Variants in CCDC141 observed in about 807,000 individuals in gnomAD.
CCDC141 encodes coiled-coil domain containing 141.
Under a neutral mutation model 181.0 loss-of-function variants are expected in CCDC141, and 168 were observed. The observed-to-expected ratio is 0.93, with a 90% CI of 0.82 to 1.05. CCDC141 has a LOEUF of 1.05. CCDC141 is among the 50% of genes least tolerant of loss of function. CCDC141 has a pLI of 0.00. For missense variants in CCDC141, 1,902 were observed against 1,788.5 expected (o/e 1.06, Z -1.14); for synonymous variants, 666 against 642.3 (o/e 1.04, Z -0.56).
At chr2:178,889,628 G>A (rs1178871761) in intron 8 of CCDC141, among the ~76,000 whole-genome samples, 1 of 152,112 alleles carries the variant, frequency 6.6e-6, no homozygotes, top group Non-Finnish European at 1.5e-5. Context: ...GTAATGAAAT[G>A]AGGGCAAGAT....
chr2:178,855,378 A>G lies in CCDC141; in HGVS notation c.3029T>C (p.Leu1010Pro). ...VVTDYKKNLD[L>P]TEHFQEVIEE... ...TATCACCTCCTGGAAATGCTCAGTCAGGTCCAAATTCTTCTTGTAATCTGT... is the reference window on the plus strand; with the variant it reads ...TATCACCTCCTGGAAATGCTCAGTCGGGTCCAAATTCTTCTTGTAATCTGT... Residue 1010 changes from leucine (L) to proline (P), a missense_variant, in exon 19 of 24, where the codon CTG becomes CCG. Transcript: ENST00000443758. 1 of 1,611,838 alleles carries G rather than the reference A, an allele frequency of 6.2e-7. No homozygotes were observed. Among genetic ancestry groups the G allele is most frequent in the Non-Finnish European group, 8.5e-7 (1 of 1,179,304 alleles).
chr2:179,047,483 A>G, intron 1 of CCDC141, 77 bp from the exon 2 acceptor site: 2 of 1,249,162 alleles, frequency 1.6e-6, no homozygotes, highest in Non-Finnish European at 2.1e-6. Context: ...TTTTTAATAT[A>G]TCGTTTAAAT....
intron 7 of CCDC141, among the ~76,000 whole-genome samples, chr2:178,906,440 T>C (rs1271534944): frequency 2.0e-5 from 3 of 152,206 alleles, no homozygotes; most frequent in African/African-American, 7.2e-5. Context: ...CTAATGTCTC[T>C]AGGAATAATT....
At chr2:178,983,624 G>A (rs2154381417) in intron 2 of CCDC141, among the ~76,000 whole-genome samples, 1 of 147,142 alleles carries the variant, frequency 6.8e-6, no homozygotes, top group African/African-American at 2.5e-5. Context: ...GCTTAAAGGA[G>A]CTGATGGAGC....
chr2:178,999,346 C>A (rs957854882), intron 2 of CCDC141, among the ~76,000 whole-genome samples: 1 of 152,074 alleles, frequency 6.6e-6, no homozygotes, highest in Non-Finnish European at 1.5e-5. Context: ...ATCATTTGAA[C>A]CCTTTCCTTT....
intron 6 of CCDC141, among the ~76,000 whole-genome samples, chr2:178,927,585 G>A (rs1688956025): frequency 6.6e-6 from 1 of 152,102 alleles, no homozygotes; most frequent in Non-Finnish European, 1.5e-5. Context: ...ATAGAGCAAT[G>A]GAGCTAATGG....
intron 7 of CCDC141, among the ~76,000 whole-genome samples, chr2:178,910,852 T>C (rs1688189183): frequency 6.6e-6 from 1 of 152,186 alleles, no homozygotes. Flanking sequence ...GAAGCTTTTG[T>C]CTCATAATCT....
chr2:178,986,611 C>T (rs1175856172), intron 2 of CCDC141, among the ~76,000 whole-genome samples: 1 of 151,332 alleles, frequency 6.6e-6, no homozygotes, highest in Non-Finnish European at 1.5e-5. Context: ...TAAGCAACTT[C>T]AGCAAAGTCT....
intron 8 of CCDC141, among the ~76,000 whole-genome samples, chr2:178,891,042 G>A (rs1320632651): frequency 6.6e-6 from 1 of 152,058 alleles, no homozygotes; most frequent in African/African-American, 2.4e-5. Context: ...GCTAATATAA[G>A]CAGCAAAGAC....
intron 2 of CCDC141, among the ~76,000 whole-genome samples, chr2:179,029,358 G>C (rs1190415313): frequency 6.6e-6 from 1 of 152,092 alleles, no homozygotes; most frequent in Non-Finnish European, 1.5e-5. Flanking sequence ...TGTGGGACTT[G>C]GGCATAGCCA....
At chr2:178,872,052 A>C (rs1444932970) in intron 13 of CCDC141, 81 bp downstream of exon 13, 1 of 1,357,744 alleles carries the variant, frequency 7.4e-7, no homozygotes, top group African/African-American at 1.5e-5. Flanking sequence ...TATTTCACTT[A>C]GCTAGTGTTT....
intron 2 of CCDC141, 49 bp downstream of exon 2, chr2:179,047,235 T>G: frequency 2.0e-6 from 3 of 1,467,110 alleles, no homozygotes; most frequent in Middle Eastern, 1.8e-4. Context: ...AAGAAATAGT[T>G]TTTTATGTCT....
chr2:178,980,838 G>T (rs1464643952), intron 2 of CCDC141, among the ~76,000 whole-genome samples: 2 of 152,116 alleles, frequency 1.3e-5, no homozygotes, highest in African/African-American at 4.8e-5. Flanking sequence ...CAACTTAGGT[G>T]TATACAATTT....
intron 6 of CCDC141, among the ~76,000 whole-genome samples, chr2:178,937,935 T>C (rs1689356846): frequency 6.6e-6 from 1 of 152,116 alleles, no homozygotes; most frequent in Non-Finnish European, 1.5e-5. Context: ...ATGATGTTTA[T>C]TTGGATCTTC....
rs1684524387 is a variant in CCDC141, at chr2:178,837,343, G to A, written c.3876C>T (p.Leu1292=). ...TTAGTGGGGGCTCAGCTTTGAACTG[G>A]AGGTAAGGCCTCTCAAAATGACTTG... ...TFSSHFERPY[L]QFKAEPPLTS... The change falls in exon 23 of 24, where the codon CTC becomes CTT. Residue 1292 remains leucine, a synonymous_variant. Transcript: ENST00000443758. 2 of 1,614,070 alleles carry A rather than the reference G, an allele frequency of 1.2e-6. No individual in the cohort carries two copies. The highest frequency in any genetic ancestry group is 1.1e-5 in the South Asian group (1 of 91,080).
chr2:178,982,554 C>A (rs551597316), intron 2 of CCDC141, among the ~76,000 whole-genome samples: 3 of 152,158 alleles, frequency 2.0e-5, no homozygotes, highest in Admixed American at 6.5e-5. Context: ...TCTGAGGTAC[C>A]GGGTTCATCT....
chr2:178,855,373 C>G lies in CCDC141; in HGVS notation c.3034G>C (p.Glu1012Gln). 4.3e-6 allele frequency: 7 copies of G among 1,611,306 alleles called. No homozygotes were observed. Among genetic ancestry groups the G allele is most frequent in the Non-Finnish European group, 5.9e-6 (7 of 1,179,190 alleles). ...TCTTCTATCACCTCCTGGAAATGCTCAGTCAGGTCCAAATTCTTCTTGTAA... is the reference window on the plus strand; with the variant it reads ...TCTTCTATCACCTCCTGGAAATGCTGAGTCAGGTCCAAATTCTTCTTGTAA... ...TDYKKNLDLT[E>Q]HFQEVIEECH... Residue 1012 changes from glutamate to glutamine, a missense_variant, in exon 19 of 24, where the codon GAG (glutamate) becomes CAG (glutamine). Coordinates refer to ENST00000443758, the MANE Select transcript of CCDC141 (RefSeq NM_173648.4).
At chr2:179,009,316 C>A (rs1412637112) in intron 2 of CCDC141, among the ~76,000 whole-genome samples, 1 of 152,056 alleles carries the variant, frequency 6.6e-6, no homozygotes, top group Non-Finnish European at 1.5e-5. Flanking sequence ...AATAGTTCTC[C>A]CCCCTGGGGG....
chr2:178,939,766 G>A (rs1287297257), intron 6 of CCDC141, among the ~76,000 whole-genome samples: 2 of 152,038 alleles, frequency 1.3e-5, no homozygotes, highest in Non-Finnish European at 2.9e-5. Context: ...GGTGGAGGGG[G>A]GGTGTTGGGG....
Sources: allele counts gnomAD v4.1 joint callset (sites outside exome capture counted in the v4.1 genomes callset), GRCh38; gene constraint gnomAD v4.1.1; transcripts MANE v1.5; gene names NCBI Gene and HGNC (gene_info 2026-07-23, HGNC 2026-07-21).